DGKD: variants seen among roughly 807,000 people sequenced by gnomAD.
DGKD encodes the protein DAG kinase delta.
A neutral mutation model predicts 154.4 loss-of-function variants in DGKD; 68 were observed. That is an observed-to-expected ratio of 0.44 (90% CI 0.36 to 0.54). The LOEUF is 0.54. Ranked by LOEUF, DGKD falls within the 20% of genes least tolerant of loss-of-function variation. The pLI is 0.00. For missense variants in DGKD, 1,343 were observed against 1,593.6 expected (o/e 0.84, Z 2.68); for synonymous variants, 693 against 638.0 (o/e 1.09, Z -1.30).
chr2:233,404,829 C>T (rs915718831), intron 3 of DGKD, among the ~76,000 whole-genome samples: 2 of 152,100 alleles, frequency 1.3e-5, no homozygotes, highest in Admixed American at 6.5e-5. Flanking sequence ...GTGGCACATC[C>T]TGGAATGAGG....
At chr2:233,416,241 C>T (rs963819785) in intron 3 of DGKD, among the ~76,000 whole-genome samples, 2 of 152,254 alleles carry the variant, frequency 1.3e-5, no homozygotes, top group South Asian at 2.1e-4. Context: ...TTGTTTTTCC[C>T]TCCTCGTGTG....
chr2:233,453,641 C>G (rs74598653), intron 18 of DGKD, among the ~76,000 whole-genome samples: 1,630 of 152,342 alleles, frequency 0.011, 18 homozygotes, highest in East Asian at 0.029. Flanking sequence ...TTGGGAACTT[C>G]CAGAACATCC....
At chr2:233,430,862 C>CA (rs2062485865) in intron 3 of DGKD, among the ~76,000 whole-genome samples, 2 of 152,030 alleles carry the variant, frequency 1.3e-5, no homozygotes, top group African/African-American at 4.8e-5. Context: ...ATCCCATGGG[C>CA]AAAAAATAGA....
At chr2:233,436,289 C>G in intron 6 of DGKD, 27 bp from the exon 7 acceptor site, 1 of 1,613,840 alleles carries the variant, frequency 6.2e-7, no homozygotes, top group Non-Finnish European at 8.5e-7. Context: ...GGGAGCGTCC[C>G]TAGTGCGTGC....
intron 1 of DGKD, among the ~76,000 whole-genome samples, chr2:233,382,258 T>C (rs1008873787): frequency 6.6e-6 from 1 of 152,124 alleles, no homozygotes; most frequent in African/African-American, 2.4e-5. Context: ...CAAAGAGATA[T>C]GCAAATTGAT....
chr2:233,366,981 C>T (rs1187402819), intron 1 of DGKD, among the ~76,000 whole-genome samples: 2 of 152,152 alleles, frequency 1.3e-5, no homozygotes, highest in Non-Finnish European at 2.9e-5. Flanking sequence ...TACCATTATA[C>T]CTGAAAAAAC....
intron 2 of DGKD, chr2:233,388,740 C>CTTTTTTTT (rs57415272): frequency 4.3e-5 from 3 of 69,290 alleles, no homozygotes; most frequent in African/African-American, 1.7e-4. Flanking sequence ...TATTGAAGTT[C>CTTTTTTTT]TTTTTTTTTT....
chr2:233,425,866 A>G (rs13028688), intron 3 of DGKD, among the ~76,000 whole-genome samples: 13,283 of 152,290 alleles, frequency 0.087, 867 homozygotes, highest in South Asian at 0.33. Flanking sequence ...AACCTTGTAT[A>G]TACAGTATGT....
At chr2:233,444,712 C>T (rs1266198727) in intron 10 of DGKD, among the ~76,000 whole-genome samples, 1 of 150,060 alleles carries the variant, frequency 6.7e-6, no homozygotes, top group East Asian at 2.0e-4. Context: ...CCAAATGTCC[C>T]CTTGGTGAGG....
rs745892049 is a variant in DGKD, at chr2:233,458,332, G to A, written c.2629G>A (p.Val877Met). Reference protein sequence around the residue: ...FDDKILEVVAVFGSMQMAVSR... With the variant: ...FDDKILEVVAMFGSMQMAVSR... ...TGACAAGATTCTGGAGGTGGTCGCC[G>A]TGTTCGGCAGCATGCAGATGGCCGT... The change falls in exon 22 of 30, where the codon GTG becomes ATG. Residue 877 changes from valine to methionine, a missense_variant. Val to Met is a conservative substitution (Grantham distance 21). This residue lies in a region of DGKD where 429 missense variants were observed against 496.3 expected (regional missense o/e 0.86). Transcript: ENST00000264057. This position sits in a 1 kb window ranked among gnomAD's most constrained non-coding sequence, Gnocchi z 6.6. 3.7e-6 allele frequency: 6 copies of A among 1,612,476 alleles called. No individual in the cohort carries two copies. Among genetic ancestry groups the A allele is most frequent in the Non-Finnish European group, 5.1e-6 (6 of 1,179,898 alleles).
chr2:233,412,478 A>C (rs1245901213), intron 3 of DGKD, among the ~76,000 whole-genome samples: 2 of 152,244 alleles, frequency 1.3e-5, no homozygotes, highest in Non-Finnish European at 2.9e-5. Flanking sequence ...TGCTTGTTTA[A>C]TTCTAGTAGT....
At chr2:233,447,772 C>T in intron 12 of DGKD, 1 of 1,118,616 alleles carries the variant, frequency 8.9e-7, no homozygotes, top group Non-Finnish European at 1.1e-6. Context: ...CGCCAGCATG[C>T]CGCTGTCAGG....
At position 233,360,841 on chromosome 2, in the gene DGKD, T is replaced by C. The variant is rs187256477; in HGVS notation, c.156+6167T>C. Among the ~76,000 whole-genome samples the C allele has an allele frequency of 1.6e-3, 249 of 152,278 alleles. 1 individual carries two copies. The highest frequency in any genetic ancestry group is 5.7e-3 in the African/African-American group (236 of 41,542). On this transcript the variant is annotated intron_variant, in intron 1 of 29. Coordinates refer to ENST00000264057, the MANE Select transcript of DGKD (RefSeq NM_152879.3). ...AAATAGAGCCGGAGATTAGAGTTCGTTGATGCAAACCAAGGAATGCCTGGG... is the reference window on the plus strand; with the variant it reads ...AAATAGAGCCGGAGATTAGAGTTCGCTGATGCAAACCAAGGAATGCCTGGG...
rs1435898069 is a variant in DGKD, at chr2:233,441,482, C to T, written c.1086-405C>T. Among the ~76,000 whole-genome samples, 1 of 152,120 alleles carries T rather than the reference C, an allele frequency of 6.6e-6. No homozygotes were observed. Among genetic ancestry groups the T allele is most frequent in the Non-Finnish European group, 1.5e-5 (1 of 68,014 alleles). On this transcript the variant is annotated intron_variant, in intron 9 of 29. Transcript: ENST00000264057. The surrounding 1 kb of genome is among the most constrained non-coding windows in gnomAD (Gnocchi z 5.6). ...GGCATGCTGGGAAGGCTGGCAGGGG[C>T]CACATGTGGATGGGGCAGGGACAGT...
chr2:233,390,716 A>G (rs1036596194), intron 3 of DGKD, among the ~76,000 whole-genome samples: 6 of 152,104 alleles, frequency 3.9e-5, no homozygotes, highest in Non-Finnish European at 7.3e-5. Context: ...AAATTTTTAT[A>G]TGTGTTTTGG....
At chr2:233,408,374 G>T (rs2061739159) in intron 3 of DGKD, among the ~76,000 whole-genome samples, 1 of 152,250 alleles carries the variant, frequency 6.6e-6, no homozygotes, top group Non-Finnish European at 1.5e-5. Flanking sequence ...CTGCATAAAA[G>T]ACTCTTCCTA....
At chr2:233,415,191 C>T (rs2061931265) in intron 3 of DGKD, among the ~76,000 whole-genome samples, 1 of 152,214 alleles carries the variant, frequency 6.6e-6, no homozygotes, top group South Asian at 2.1e-4. Context: ...TGGCTGTTTT[C>T]CCAGACAGCT....
At chr2:233,462,592 C>G (rs76035074) in intron 25 of DGKD, 51 bp from the exon 26 acceptor site, 1 of 1,573,682 alleles carries the variant, frequency 6.4e-7, no homozygotes, top group East Asian at 2.2e-5. Context: ...TGCCCCTAAC[C>G]GTGCATGTTC....
Position 233,460,900 on chromosome 2 carries a change from A to G in DGKD, c.2981+555A>G, listed in dbSNP as rs112050557. The stretch of plus-strand genomic sequence containing the variant: ...GAGCAAGACTCTGCCTCAAAAACAA[A>G]CAAAACAAAACAAAAAAACCCTGCC... On this transcript the variant is annotated intron_variant, in intron 24 of 29. Transcript: ENST00000264057. Among the ~76,000 whole-genome samples, 1,113 of 151,806 alleles carry G rather than the reference A, an allele frequency of 7.3e-3. 10 individuals carry two copies. The highest frequency in any genetic ancestry group is 0.025 in the African/African-American group (1,038 of 41,390).
Sources: allele counts gnomAD v4.1 joint callset (sites outside exome capture counted in the v4.1 genomes callset), GRCh38; gene constraint gnomAD v4.1.1; regional missense constraint gnomAD v4.1.1; non-coding constraint Gnocchi (gnomAD v3.1); transcripts MANE v1.5; gene names NCBI Gene and HGNC (gene_info 2026-07-23, HGNC 2026-07-21).